GLIS3: variants seen among roughly 807,000 people sequenced by gnomAD.
GLIS3 encodes the protein GLIS family zinc finger 3.
In GLIS3, 53 loss-of-function variants were observed where a neutral mutation model predicts 78.6. The ratio of observed to expected loss-of-function variants is 0.67; its 90% CI spans 0.54 to 0.85. GLIS3 has a LOEUF of 0.85. Among genes scored for constraint, GLIS3 ranks in the 40% least tolerant of loss-of-function variants. The pLI is 0.00. For synonymous variants in GLIS3, 684 were observed against 509.9 expected (o/e 1.34, Z -4.60); for missense variants, 1,703 against 1,231.1 (o/e 1.38, Z -5.74).
rs996120299 is a variant in GLIS3, at chr9:4,168,068, A to G, written c.389-42127T>C. On this transcript the variant is annotated intron_variant, in intron 2 of 10. Transcript: ENST00000381971. ...GGAGATAAAATACCTGGCCCGGTTAAATGCAATCATTTCCTTACCTCCTTG... is the reference window on the plus strand; with the variant it reads ...GGAGATAAAATACCTGGCCCGGTTAGATGCAATCATTTCCTTACCTCCTTG... Among the ~76,000 whole-genome samples the G allele has an allele frequency of 2.6e-5, 4 of 152,148 alleles. 1 individual carries two copies. The highest frequency in any genetic ancestry group is 2.0e-4 in the Admixed American group (3 of 15,280).
chr9:4,057,805 G>GA (rs1203051481), intron 4 of GLIS3, among the ~76,000 whole-genome samples: 2 of 152,070 alleles, frequency 1.3e-5, no homozygotes, highest in African/African-American at 4.8e-5. Context: ...TGCTATAAGA[G>GA]AAAAAGGATC....
intron 2 of GLIS3, among the ~76,000 whole-genome samples, chr9:4,344,313 G>C (rs1817873782): frequency 6.6e-6 from 1 of 152,140 alleles, no homozygotes; most frequent in Non-Finnish European, 1.5e-5. Flanking sequence ...TATTGGTAAA[G>C]CCAGCAGTCA....
intron 4 of GLIS3, among the ~76,000 whole-genome samples, chr9:4,014,829 A>C (rs1161803004): frequency 6.6e-6 from 1 of 152,138 alleles, no homozygotes; most frequent in African/African-American, 2.4e-5. Context: ...TGGCTTACCC[A>C]ATGTCACAGG....
intron 2 of GLIS3, among the ~76,000 whole-genome samples, chr9:4,264,338 C>G (rs1263206271): frequency 6.6e-6 from 1 of 152,234 alleles, no homozygotes; most frequent in Non-Finnish European, 1.5e-5. Flanking sequence ...CAGCGACCAT[C>G]TCTCTCCCCA....
chr9:4,162,398 G>A (rs1835553233), intron 2 of GLIS3, among the ~76,000 whole-genome samples: 1 of 152,148 alleles, frequency 6.6e-6, no homozygotes, highest in Non-Finnish European at 1.5e-5. Context: ...TTCTCAGCCA[G>A]TATCCTTTCA....
At chr9:4,131,024 G>C (rs1027953921) in intron 2 of GLIS3, among the ~76,000 whole-genome samples, 3 of 152,210 alleles carry the variant, frequency 2.0e-5, no homozygotes, top group Non-Finnish European at 2.9e-5. Flanking sequence ...AGGAGTTAAA[G>C]GAGATTATTT....
At chr9:4,130,488 C>T (rs1832894332) in intron 2 of GLIS3, among the ~76,000 whole-genome samples, 1 of 152,218 alleles carries the variant, frequency 6.6e-6, no homozygotes, top group South Asian at 2.1e-4. Context: ...AACACTGCTC[C>T]CTGCATCCCA....
intron 2 of GLIS3, among the ~76,000 whole-genome samples, chr9:4,224,863 T>C (rs758713680): frequency 5.8e-4 from 88 of 152,220 alleles, no homozygotes; most frequent in Admixed American, 2.1e-3. Context: ...TTTCAAACAC[T>C]GTCAATATAC....
At position 4,224,549 on chromosome 9, in the gene GLIS3, G is replaced by C. The variant is rs78789541; in HGVS notation, c.388+61489C>G. Among the ~76,000 whole-genome samples the C allele has an allele frequency of 2.6e-3, 396 of 152,210 alleles. 1 individual carries two copies. The highest frequency in any genetic ancestry group is 8.4e-3 in the African/African-American group (347 of 41,532). On this transcript the variant is annotated intron_variant, in intron 2 of 10. Coordinates refer to ENST00000381971, the MANE Select transcript of GLIS3 (RefSeq NM_001042413.2). Reference sequence around the variant, plus strand: ...ATGGACACTAAGATTCTACACAGCTGATTGTTTTCTCACCGCATTGGCTAC... The same window carrying C: ...ATGGACACTAAGATTCTACACAGCTCATTGTTTTCTCACCGCATTGGCTAC...
At chr9:4,364,755 G>GTT in the GLIS3 span, among the ~76,000 whole-genome samples, 3 of 15,496 alleles carry the variant, frequency 1.9e-4, no homozygotes, top group Non-Finnish European at 4.4e-4. Context: ...ATCATGTATT[G>GTT]CTTTTTTTTT....
chr9:4,097,944 T>C (rs1469708664), intron 4 of GLIS3, among the ~76,000 whole-genome samples: 2 of 152,226 alleles, frequency 1.3e-5, no homozygotes, highest in Non-Finnish European at 2.9e-5. Context: ...CTCCATTCTG[T>C]TCCATCGGTC....
intron 4 of GLIS3, among the ~76,000 whole-genome samples, chr9:3,975,558 T>A (rs1020807543): frequency 7.0e-6 from 1 of 143,436 alleles, no homozygotes; most frequent in Non-Finnish European, 1.5e-5. Flanking sequence ...TGCATTTGCA[T>A]TGCATCATTT....
At position 4,118,924 on chromosome 9, in the gene GLIS3, T is replaced by A; in HGVS notation, c.597-43A>T. The stretch of plus-strand genomic sequence containing the variant: ...AAGGAAGAAAAAAAAAAGATAAACA[T>A]TTTAGCAGGATACGGATTGCTTAAG... On this transcript the variant is annotated intron_variant, in intron 3 of 10. Coordinates refer to ENST00000381971, the MANE Select transcript of GLIS3 (RefSeq NM_001042413.2). The surrounding 1 kb of genome is among the most constrained non-coding windows in gnomAD (Gnocchi z 4.7). The A allele has an allele frequency of 6.3e-7, 1 of 1,582,248 alleles. No individual in the cohort carries two copies. The highest frequency in any genetic ancestry group is 8.5e-7 in the Non-Finnish European group (1 of 1,169,636).
chr9:3,858,313 A>G (rs201636837), intron 8 of GLIS3, among the ~76,000 whole-genome samples: 2 of 152,202 alleles, frequency 1.3e-5, no homozygotes, highest in East Asian at 3.8e-4. Flanking sequence ...ATATGATTCT[A>G]TATAATTATA....
At chr9:4,327,105 T>C (rs10435804) in intron 2 of GLIS3, among the ~76,000 whole-genome samples, 8,137 of 152,150 alleles carry the variant, frequency 0.053, 310 homozygotes, top group East Asian at 0.2. Flanking sequence ...GATGAAAAAG[T>C]GGGACAGGAG....
chr9:4,428,928 C>G, the GLIS3 span, among the ~76,000 whole-genome samples: 1 of 152,280 alleles, frequency 6.6e-6, no homozygotes, highest in South Asian at 2.1e-4. Context: ...ACCAATTCAT[C>G]ACTAAGGCTA....
chr9:3,904,556 T>C (rs1237362225), intron 6 of GLIS3, among the ~76,000 whole-genome samples: 3 of 152,194 alleles, frequency 2.0e-5, no homozygotes, highest in Non-Finnish European at 2.9e-5. Context: ...ACTATTACAA[T>C]GTGCTTTAAA....
chr9:3,892,236 C>G (rs541785842), intron 7 of GLIS3, among the ~76,000 whole-genome samples: 53 of 151,922 alleles, frequency 3.5e-4, no homozygotes, highest in African/African-American at 4.6e-4. Context: ...ATAGGGAGTT[C>G]TAGAAGCAAG....
chr9:4,197,267 C>G (rs2131248658), intron 2 of GLIS3, among the ~76,000 whole-genome samples: 1 of 152,256 alleles, frequency 6.6e-6, no homozygotes, highest in East Asian at 1.9e-4. Context: ...GCAAGGGGGC[C>G]CTCTCCACTC....
Sources: gnomAD v4.1 joint callset for allele counts (sites outside exome capture counted in the v4.1 genomes callset) on GRCh38, gnomAD v4.1.1 for gene constraint, Gnocchi (gnomAD v3.1) non-coding constraint, MANE v1.5 for transcripts, NCBI Gene and HGNC (gene_info 2026-07-23, HGNC 2026-07-21) for gene names.